Variants in ADAMTS6 observed in about 807,000 individuals in gnomAD.
ADAMTS6 encodes the protein ADAM metallopeptidase with thrombospondin type 1 motif 6.
ADAMTS6 carries 23 observed loss-of-function variants against 144.3 expected under a neutral mutation model. The ratio of observed to expected loss-of-function variants is 0.16; its 90% CI spans 0.11 to 0.23. ADAMTS6 has a LOEUF of 0.23. ADAMTS6 is among the 10% of genes least tolerant of loss of function. The pLI is 1.00. For missense variants in ADAMTS6, 999 were observed against 1,379.6 expected (o/e 0.72, Z 4.37); for synonymous variants, 444 against 457.5 (o/e 0.97, Z 0.38).
intron 9 of ADAMTS6, among the ~76,000 whole-genome samples, chr5:65,302,283 A>C (rs1186706348): frequency 1.4e-5 from 2 of 144,584 alleles, no homozygotes; most frequent in African/African-American, 5.0e-5. Flanking sequence ...ATTATATATA[A>C]AATATTAATA....
intron 20 of ADAMTS6, chr5:65,210,608 CA>C: frequency 1.6e-6 from 1 of 617,220 alleles, no homozygotes; most frequent in Non-Finnish European, 2.9e-6. Context: ...TTTGGCACCC[CA>C]AAGGAAGCTA....
At chr5:65,196,551 A>AAAAAAAG (rs1561269572) in intron 21 of ADAMTS6, among the ~76,000 whole-genome samples, 3 of 146,530 alleles carry the variant, frequency 2.0e-5, no homozygotes, top group African/African-American at 5.1e-5. Context: ...AAAAAAAAAA[A>AAAAAAAG]AGAGGTCTTT....
At chr5:65,368,516 CAATGAGAGGAAGCCTCAAAAG>C (rs1750518820) in intron 7 of ADAMTS6, among the ~76,000 whole-genome samples, 1 of 152,120 alleles carries the variant, frequency 6.6e-6, no homozygotes, top group African/African-American at 2.4e-5. Flanking sequence ...TCTTTGTAGG[CAATGAGAGGAAGCCTCAAAAG>C]AATGAGGCTT....
intron 7 of ADAMTS6, among the ~76,000 whole-genome samples, chr5:65,351,850 A>C (rs887092341): frequency 3.3e-5 from 5 of 152,204 alleles, no homozygotes; most frequent in Non-Finnish European, 7.3e-5. Context: ...CATCAACAAC[A>C]ACAAAATTAA....
intron 9 of ADAMTS6, among the ~76,000 whole-genome samples, chr5:65,319,459 T>C (rs772308865): frequency 1.3e-4 from 20 of 149,816 alleles, no homozygotes; most frequent in Non-Finnish European, 2.5e-4. Flanking sequence ...GTGGAAGGAC[T>C]GCTTAAGCTC....
chr5:65,451,688 A>C, intron 6 of ADAMTS6, 68 bp from the exon 7 acceptor site: 1 of 1,563,686 alleles, frequency 6.4e-7, no homozygotes, highest in Admixed American at 1.9e-5. Context: ...AAAACTTTTG[A>C]AGACTGAAGT....
intron 7 of ADAMTS6, among the ~76,000 whole-genome samples, chr5:65,341,818 G>C (rs776773144): frequency 3.3e-5 from 5 of 152,110 alleles, no homozygotes; most frequent in Admixed American, 6.6e-5. Flanking sequence ...GTGAAGCAGA[G>C]AGAAATCTTT....
At chr5:65,319,716 G>A (rs1236404504) in intron 9 of ADAMTS6, among the ~76,000 whole-genome samples, 3 of 25,904 alleles carry the variant, frequency 1.2e-4, no homozygotes, top group African/African-American at 4.2e-4. Context: ...GGGAGGGAGG[G>A]AAGGGAGGGA....
intron 20 of ADAMTS6, among the ~76,000 whole-genome samples, chr5:65,213,265 TTTTG>T (rs1349421465): frequency 7.8e-6 from 1 of 127,476 alleles, no homozygotes; most frequent in Non-Finnish European, 1.7e-5. Context: ...TATTCATCTT[TTTTG>T]TTTTTTTCAT....
intron 22 of ADAMTS6, among the ~76,000 whole-genome samples, chr5:65,174,035 AT>A (rs1753794732): frequency 1.3e-5 from 2 of 150,466 alleles, no homozygotes; most frequent in Non-Finnish European, 3.0e-5. Flanking sequence ...AAAAAAAAAA[AT>A]CTATACTTCC....
intron 10 of ADAMTS6, among the ~76,000 whole-genome samples, chr5:65,299,372 T>C (rs1198265417): frequency 6.6e-6 from 1 of 152,126 alleles, no homozygotes; most frequent in Non-Finnish European, 1.5e-5. Context: ...CCTATGCAAG[T>C]GAGATGTGGA....
intron 9 of ADAMTS6, among the ~76,000 whole-genome samples, chr5:65,310,098 G>C (rs1467410809): frequency 6.6e-6 from 1 of 151,752 alleles, no homozygotes; most frequent in Non-Finnish European, 1.5e-5. Context: ...TCTTTTAAAA[G>C]TGTGTGGCAC....
chr5:65,276,926 A>C (rs1351517163), intron 11 of ADAMTS6, among the ~76,000 whole-genome samples: 2 of 152,214 alleles, frequency 1.3e-5, no homozygotes, highest in Non-Finnish European at 2.9e-5. Flanking sequence ...GATAGAAGTT[A>C]AGATTTATTA....
intron 7 of ADAMTS6, among the ~76,000 whole-genome samples, chr5:65,426,050 C>A (rs1756492938): frequency 7.0e-6 from 1 of 143,514 alleles, no homozygotes; most frequent in South Asian, 2.2e-4. Context: ...CGCACACAGA[C>A]TTTTTTTTTT....
At chr5:65,284,879 C>T (rs1763246326) in intron 11 of ADAMTS6, among the ~76,000 whole-genome samples, 1 of 152,130 alleles carries the variant, frequency 6.6e-6, no homozygotes, top group African/African-American at 2.4e-5. Flanking sequence ...GGAGCCCACA[C>T]ACCTTTACAC....
intron 15 of ADAMTS6, among the ~76,000 whole-genome samples, chr5:65,229,703 T>A (rs1757994400): frequency 6.6e-6 from 1 of 151,990 alleles, no homozygotes; most frequent in South Asian, 2.1e-4. Flanking sequence ...AAGAAAGAAT[T>A]TATGAACTTG....
chr5:65,388,211 C>G (rs373478310), intron 7 of ADAMTS6, among the ~76,000 whole-genome samples: 3 of 151,454 alleles, frequency 2.0e-5, no homozygotes, highest in Admixed American at 1.3e-4. Flanking sequence ...TCCAACCCCC[C>G]CAAAAAAAAA....
intron 22 of ADAMTS6, among the ~76,000 whole-genome samples, chr5:65,174,747 G>A (rs1753861847): frequency 6.6e-6 from 1 of 152,298 alleles, no homozygotes; most frequent in Middle Eastern, 3.4e-3. Context: ...TTGATTCTGA[G>A]TTTGGTGTAA....
intron 8 of ADAMTS6, among the ~76,000 whole-genome samples, chr5:65,332,204 G>C (rs533634441): frequency 6.7e-6 from 1 of 149,768 alleles, no homozygotes; most frequent in Non-Finnish European, 1.5e-5. Context: ...AAAGTAATTT[G>C]CACCAATCTA....
Sources: gnomAD v4.1 joint callset for allele counts (sites outside exome capture counted in the v4.1 genomes callset) on GRCh38, gnomAD v4.1.1 for gene constraint, MANE v1.5 for transcripts, NCBI Gene and HGNC (gene_info 2026-07-23, HGNC 2026-07-21) for gene names.